The following COQ10B variants were observed in gnomAD, a reference collection of about 807,000 sequenced individuals.
The protein encoded by COQ10B is coenzyme Q10B, also known as coenzyme Q-binding protein COQ10 homolog B, mitochondrial.
COQ10B carries 12 observed loss-of-function variants against 27.6 expected under a neutral mutation model. That is an observed-to-expected ratio of 0.43 (90% CI 0.28 to 0.70). The LOEUF (loss-of-function observed/expected upper bound fraction) is 0.70, where lower values mean the gene tolerates loss of function less well. COQ10B is among the 30% of genes least tolerant of loss of function. COQ10B has a pLI of 0.17. For synonymous variants in COQ10B, 115 were observed against 103.0 expected (o/e 1.12, Z -0.71); for missense variants, 278 against 288.7 (o/e 0.96, Z 0.27).
At chr2:197,453,712 C>G in intron 1 of COQ10B, 48 bp downstream of exon 1, 3 of 1,497,764 alleles carry the variant, frequency 2.0e-6, no homozygotes, top group Non-Finnish European at 2.8e-6. Context: ...TCGATTTTGG[C>G]TGCCGAGTTG....
intron 2 of COQ10B, among the ~76,000 whole-genome samples, chr2:197,462,224 G>A (rs1433263234): frequency 2.7e-5 from 4 of 149,114 alleles, no homozygotes; most frequent in South Asian, 2.1e-4. Context: ...AGCCGAGATC[G>A]TACCACTGCA....
intron 3 of COQ10B, among the ~76,000 whole-genome samples, chr2:197,463,767 T>C (rs1307358690): frequency 6.7e-6 from 1 of 149,800 alleles, no homozygotes; most frequent in Non-Finnish European, 1.5e-5. Context: ...ACACCGTCTC[T>C]ACTAAAAATA....
chr2:197,466,191 C>A (rs138497825), intron 3 of COQ10B, among the ~76,000 whole-genome samples: 164 of 152,336 alleles, frequency 1.1e-3, no homozygotes, highest in African/African-American at 3.6e-3. Context: ...CCTCCTCCCA[C>A]GTAATACTAT....
intron 1 of COQ10B, chr2:197,454,248 T>G: frequency 1.9e-6 from 2 of 1,067,426 alleles, no homozygotes; most frequent in Non-Finnish European, 2.6e-6. Flanking sequence ...ATTTTCCTGG[T>G]TGGTTCATTT....
intron 1 of COQ10B, among the ~76,000 whole-genome samples, chr2:197,454,916 A>G (rs912091517): frequency 4.6e-5 from 7 of 152,168 alleles, no homozygotes; most frequent in African/African-American, 1.7e-4. Flanking sequence ...GTTGTCCAGT[A>G]TTCATTTCAT....
chr2:197,460,184 GCT>G (rs2085741590), intron 2 of COQ10B, 103 bp downstream of exon 2: 1 of 731,034 alleles, frequency 1.4e-6, no homozygotes, highest in African/African-American at 1.9e-5. Flanking sequence ...TACAGACTAA[GCT>G]CTCTTTTCTA....
In COQ10B at chr2:197,470,141, C is replaced by G. The variant is rs1388493541; in HGVS notation, c.519C>G (p.Gly173=). 4 of 1,612,482 alleles carry G rather than the reference C, an allele frequency of 2.5e-6. No individual in the cohort carries two copies. Among genetic ancestry groups the G allele is most frequent in the Non-Finnish European group, 2.5e-6 (3 of 1,178,672 alleles). The change falls in exon 4 of 5, where the codon GGC becomes GGG. Residue 173 remains glycine, a synonymous_variant. Coordinates refer to ENST00000263960, the MANE Select transcript of COQ10B (RefSeq NM_025147.5). ...GGCGTTTTAGCCCAGGTCTTCCTGGCTACCCAAGAACTTGTACCTTGGATT... is the reference window on the plus strand; with the variant it reads ...GGCGTTTTAGCCCAGGTCTTCCTGGGTACCCAAGAACTTGTACCTTGGATT... The part of the protein sequence containing the change: ...TIWRFSPGLP[G]YPRTCTLDFS...
intron 1 of COQ10B, among the ~76,000 whole-genome samples, chr2:197,456,312 A>G (rs886714018): frequency 7.3e-5 from 11 of 151,478 alleles, no homozygotes; most frequent in African/African-American, 7.3e-5. Flanking sequence ...TAAAAATACA[A>G]AAATTACCTG....
chr2:197,454,132 C>A, intron 1 of COQ10B: 1 of 1,550,320 alleles, frequency 6.5e-7, no homozygotes. Flanking sequence ...TTTGCCCTCG[C>A]CATTTAGTGT....
intron 1 of COQ10B, 109 bp downstream of exon 1, chr2:197,453,773 C>A: frequency 9.0e-7 from 1 of 1,113,488 alleles, no homozygotes; most frequent in Non-Finnish European, 1.3e-6. Flanking sequence ...GGTGCATTTC[C>A]GTGTCTTTAG....
rs1254014609 is a variant in COQ10B at position 197,473,920 on chromosome 2, C to A, written c.713C>A (p.Thr238Lys). 3 of 1,495,898 alleles carry A rather than the reference C, an allele frequency of 2.0e-6. No homozygotes were observed. The highest frequency in any genetic ancestry group is 2.7e-6 in the Non-Finnish European group (3 of 1,114,862). The allele number at this position is 1,495,898 out of a possible 1,614,324, so 92.7% of individuals were successfully genotyped here. A position where few individuals can be genotyped will look rare whatever the true frequency, so the allele number is the denominator to read the frequency against. The change falls in exon 5 of 5, where the codon ACA becomes AAA. Residue 238 changes from threonine (T) to lysine (K), a missense_variant. Physicochemically the swap from Thr to Lys is moderately conservative, Grantham distance 78 (BLOSUM62 -1). Transcript: ENST00000263960. Reference protein sequence around the residue: ...RELMLHEVHHT With the variant: ...RELMLHEVHHK Reference sequence around the variant, plus strand: ...TTAATGCTTCATGAAGTCCATCACACATAAAGGCAAAAAAGAACTGGTGCC... The same window carrying A: ...TTAATGCTTCATGAAGTCCATCACAAATAAAGGCAAAAAAGAACTGGTGCC...
At chr2:197,468,442 C>CAA (rs760008326) in intron 3 of COQ10B, among the ~76,000 whole-genome samples, 41 of 63,862 alleles carry the variant, frequency 6.4e-4, no homozygotes, top group Non-Finnish European at 1.1e-3. Flanking sequence ...GACTCCGTCT[C>CAA]AAAAAAAAAA....
At chr2:197,461,846 G>A (rs976995089) in intron 2 of COQ10B, among the ~76,000 whole-genome samples, 17 of 151,768 alleles carry the variant, frequency 1.1e-4, no homozygotes, top group Admixed American at 7.2e-4. Flanking sequence ...TTACCATGTC[G>A]GCCAGGCTGG....
intron 4 of COQ10B, among the ~76,000 whole-genome samples, chr2:197,471,876 A>G (rs1289896957): frequency 6.6e-6 from 1 of 151,652 alleles, no homozygotes; most frequent in Non-Finnish European, 1.5e-5. Flanking sequence ...CAGGAAGTGG[A>G]CGTTGCAGTG....
chr2:197,463,322 A>C (rs2085781539), intron 3 of COQ10B, among the ~76,000 whole-genome samples: 1 of 151,908 alleles, frequency 6.6e-6, no homozygotes. Context: ...AAATACAAAA[A>C]TTAGCCGGGC....
At chr2:197,463,991 A>G (rs1479810467) in intron 3 of COQ10B, among the ~76,000 whole-genome samples, 1 of 92,798 alleles carries the variant, frequency 1.1e-5, no homozygotes, top group African/African-American at 4.3e-5. Context: ...ATATATATAT[A>G]TATATACACA....
intron 1 of COQ10B, among the ~76,000 whole-genome samples, chr2:197,455,466 G>T (rs1189206538): frequency 6.7e-6 from 1 of 149,484 alleles, no homozygotes; most frequent in Non-Finnish European, 1.5e-5. Context: ...CCAAAAAAAA[G>T]AAAAAAAAAT....
chr2:197,455,504 T>C (rs550862766), intron 1 of COQ10B, among the ~76,000 whole-genome samples: 7 of 152,024 alleles, frequency 4.6e-5, no homozygotes, highest in Admixed American at 4.6e-4. Flanking sequence ...CATACACATA[T>C]ACAGAAAAAT....
chr2:197,470,705 A>C (rs878875730), intron 4 of COQ10B, among the ~76,000 whole-genome samples: 2 of 152,158 alleles, frequency 1.3e-5, no homozygotes, highest in African/African-American at 4.8e-5. Context: ...GACCAGCCTG[A>C]CCAATATCAT....
Sources: gnomAD v4.1 joint callset for allele counts (sites outside exome capture counted in the v4.1 genomes callset) on GRCh38, gnomAD v4.1.1 for gene constraint, MANE v1.5 for transcripts, NCBI Gene and HGNC (gene_info 2026-07-23, HGNC 2026-07-21) for gene names.